TBC1D8: variants seen among roughly 807,000 people sequenced by gnomAD.
TBC1D8 encodes the protein BUB2-like protein 1.
In TBC1D8, 65 loss-of-function variants were observed where a neutral mutation model predicts 118.8. The observed-to-expected ratio is 0.55, with a 90% CI of 0.45 to 0.67. The LOEUF (loss-of-function observed/expected upper bound fraction) is 0.67, where lower values mean the gene tolerates loss of function less well. Among genes scored for constraint, TBC1D8 ranks in the 30% least tolerant of loss-of-function variants. TBC1D8 has a pLI of 0.00. For missense variants in TBC1D8, 1,376 were observed against 1,471.2 expected, an observed-to-expected ratio of 0.94 and a Z score of 1.06; for synonymous variants, 566 against 595.8, an observed-to-expected ratio of 0.95 and a Z score of 0.73.
intron 1 of TBC1D8, among the ~76,000 whole-genome samples, chr2:101,107,872 C>T (rs1295028028): frequency 2.0e-5 from 3 of 152,070 alleles, no homozygotes; most frequent in Non-Finnish European, 4.4e-5. Context: ...TTGAGGACAG[C>T]ATCAATAAAG....
chr2:101,115,736 G>A (rs1677790213), intron 1 of TBC1D8, among the ~76,000 whole-genome samples: 1 of 151,940 alleles, frequency 6.6e-6, no homozygotes, highest in Non-Finnish European at 1.5e-5. Context: ...GGGTGACAAA[G>A]CAAGACCTTG....
intron 12 of TBC1D8, 174 bp from the exon 13 acceptor site, chr2:101,028,606 C>CG (rs1680491993): frequency 1.1e-6 from 1 of 934,612 alleles, no homozygotes; most frequent in African/African-American, 1.6e-5. Flanking sequence ...TCATGAAGCC[C>CG]GGCTTGTGGA....
At chr2:101,046,834 A>G (rs369639159) in intron 5 of TBC1D8, among the ~76,000 whole-genome samples, 1 of 152,176 alleles carries the variant, frequency 6.6e-6, no homozygotes, top group Non-Finnish European at 1.5e-5. Flanking sequence ...AACCGGCGAA[A>G]GAGCCTGCCT....
chr2:101,053,313 G>A (rs1682184431), intron 4 of TBC1D8, among the ~76,000 whole-genome samples: 2 of 152,164 alleles, frequency 1.3e-5, no homozygotes, highest in Admixed American at 1.3e-4. Context: ...GTGCAGATAG[G>A]GTGTATATCC....
At chr2:101,018,221 A>C in intron 17 of TBC1D8, 1 of 271,856 alleles carries the variant, frequency 3.7e-6, no homozygotes, top group Non-Finnish European at 6.9e-6. Context: ...AAACATCACT[A>C]ATGAAACATT....
intron 1 of TBC1D8, among the ~76,000 whole-genome samples, chr2:101,090,727 T>C (rs1449523544): frequency 1.3e-5 from 2 of 152,228 alleles, no homozygotes; most frequent in African/African-American, 4.8e-5. Flanking sequence ...CCACTTTCAA[T>C]CTGTGGGGCC....
At chr2:101,118,479 A>G (rs530270000) in intron 1 of TBC1D8, among the ~76,000 whole-genome samples, 87 of 146,460 alleles carry the variant, frequency 5.9e-4, no homozygotes, top group South Asian at 2.0e-3. Flanking sequence ...GGTGGATCAC[A>G]AGGTCAGGAG....
intron 2 of TBC1D8, among the ~76,000 whole-genome samples, chr2:101,080,478 A>G (rs1469631506): frequency 6.6e-6 from 1 of 152,174 alleles, no homozygotes; most frequent in East Asian, 1.9e-4. Flanking sequence ...TCCAAAGACA[A>G]AGCAAACAGT....
At chr2:101,008,811 TAA>T (rs34291098) in intron 19 of TBC1D8, among the ~76,000 whole-genome samples, 12 of 145,784 alleles carry the variant, frequency 8.2e-5, no homozygotes, top group East Asian at 6.1e-4. Context: ...AACTTTGTCT[TAA>T]AAAAAAAAAA....
At chr2:101,066,447 T>C (rs1683019078) in intron 2 of TBC1D8, among the ~76,000 whole-genome samples, 4 of 151,990 alleles carry the variant, frequency 2.6e-5, no homozygotes, top group Admixed American at 2.6e-4. Flanking sequence ...TAAATCAATA[T>C]GGGGGAAAAA....
At chr2:101,015,844 T>C (rs905365130) in intron 17 of TBC1D8, among the ~76,000 whole-genome samples, 6 of 152,096 alleles carry the variant, frequency 3.9e-5, no homozygotes, top group Admixed American at 6.6e-5. Flanking sequence ...ATTTAATAAA[T>C]GGTGTTGGGA....
intron 10 of TBC1D8, chr2:101,033,264 G>A (rs763215270): frequency 5.3e-5 from 23 of 431,620 alleles, no homozygotes; most frequent in Non-Finnish European, 7.5e-5. Flanking sequence ...TTACAGGCAC[G>A]CGCCACCATG....
chr2:101,014,976 T>C (rs1454311092), intron 17 of TBC1D8, among the ~76,000 whole-genome samples: 4 of 144,378 alleles, frequency 2.8e-5, no homozygotes, highest in Non-Finnish European at 6.1e-5. Flanking sequence ...TATTATTTTA[T>C]AGAGTCATGT....
Position 101,137,644 on chromosome 2 carries a change from A to C in TBC1D8, c.127+13483T>G, listed in dbSNP as rs1247847138. On this transcript the variant is annotated intron_variant, in intron 1 of 19. Coordinates refer to ENST00000409318, the MANE Select transcript of TBC1D8 (RefSeq NM_001330348.2). ...AAATAGATATTTTTTGAATCCTGAC[A>C]GTATTATTTCTAACAAAATACTAAA... is the stretch of plus-strand genomic sequence containing the variant. 2.0e-5 allele frequency among the ~76,000 whole-genome samples: 3 copies of C among 152,320 alleles called. No individual in the cohort carries two copies. The East Asian group carries it at 5.8e-4, about 29-fold the overall frequency.
intron 11 of TBC1D8, among the ~76,000 whole-genome samples, chr2:101,030,664 A>G (rs1471547646): frequency 6.6e-6 from 1 of 151,986 alleles, no homozygotes; most frequent in Non-Finnish European, 1.5e-5. Context: ...AATACCCAAG[A>G]AAAATGACAG....
At chr2:101,134,189 TCTCTCTCTCACACACA>T (rs752534028) in intron 1 of TBC1D8, among the ~76,000 whole-genome samples, 25 of 95,814 alleles carry the variant, frequency 2.6e-4, no homozygotes, top group East Asian at 6.7e-4. Context: ...TCTCTCTCTC[TCTCTCTCTCACACACA>T]CACACACACA....
chr2:101,066,460 A>G (rs1381337976), intron 2 of TBC1D8, among the ~76,000 whole-genome samples: 2 of 152,152 alleles, frequency 1.3e-5, no homozygotes, highest in Non-Finnish European at 2.9e-5. Context: ...GGGAAAAATC[A>G]ATTCTTAAAA....
At chr2:101,037,807 G>A in intron 7 of TBC1D8, 99 bp from the exon 8 acceptor site, 4 of 1,465,662 alleles carry the variant, frequency 2.7e-6, no homozygotes, top group South Asian at 1.2e-5. Context: ...GGATGCACGG[G>A]CATAGCAGAC....
chr2:101,056,663 AAT>A (rs991574792), intron 3 of TBC1D8, among the ~76,000 whole-genome samples: 31 of 152,172 alleles, frequency 2.0e-4, no homozygotes, highest in African/African-American at 6.8e-4. Context: ...TCTAATATAT[AAT>A]GAGTGCTGAG....
Sources: allele counts gnomAD v4.1 joint callset (sites outside exome capture counted in the v4.1 genomes callset), GRCh38; gene constraint gnomAD v4.1.1; transcripts MANE v1.5; gene names NCBI Gene and HGNC (gene_info 2026-07-23, HGNC 2026-07-21).